UNC13C: variants seen among roughly 807,000 people sequenced by gnomAD.
UNC13C encodes the protein unc-13 homolog C.
UNC13C carries 174 observed loss-of-function variants against 245.4 expected under a neutral mutation model. The observed-to-expected ratio is 0.71, with a 90% CI of 0.63 to 0.80. UNC13C has a LOEUF of 0.80. Among genes scored for constraint, UNC13C ranks in the 30% least tolerant of loss-of-function variants. The probability of loss-of-function intolerance (pLI) is 0.00; values close to 1 mark genes in which losing one functional copy is unlikely to be tolerated. For missense variants in UNC13C, 2,829 were observed against 2,602.9 expected (o/e 1.09, Z -1.89); for synonymous variants, 992 against 895.1 (o/e 1.11, Z -1.93).
chr15:53,931,157 T>G, the UNC13C span, among the ~76,000 whole-genome samples: 1 of 151,948 alleles, frequency 6.6e-6, no homozygotes, highest in Non-Finnish European at 1.5e-5. Context: ...ATTTATTTAT[T>G]TTTATTTATT....
chr15:54,308,426 T>C (rs905119479), intron 13 of UNC13C, among the ~76,000 whole-genome samples: 8 of 151,910 alleles, frequency 5.3e-5, no homozygotes, highest in African/African-American at 1.9e-4. Context: ...CAACATGATG[T>C]TTTGAAGTAT....
At chr15:54,527,879 A>T (rs1040336415) in intron 25 of UNC13C, among the ~76,000 whole-genome samples, 1 of 152,170 alleles carries the variant, frequency 6.6e-6, no homozygotes, top group Non-Finnish European at 1.5e-5. Context: ...CTGTGGCTTT[A>T]TTCCTCACAC....
chr15:54,067,586 G>A (rs894331450), intron 2 of UNC13C, among the ~76,000 whole-genome samples: 6 of 152,168 alleles, frequency 3.9e-5, no homozygotes, highest in Admixed American at 2.6e-4. Flanking sequence ...CAAAATAGAA[G>A]CATAACTGCA....
At chr15:53,902,552 G>A in the UNC13C span, among the ~76,000 whole-genome samples, 1 of 152,166 alleles carries the variant, frequency 6.6e-6, no homozygotes. Flanking sequence ...CTGTAATGAC[G>A]GATGGGAACT....
chr15:54,271,552 A>G (rs922905467), intron 10 of UNC13C, among the ~76,000 whole-genome samples: 1 of 152,024 alleles, frequency 6.6e-6, no homozygotes, highest in Non-Finnish European at 1.5e-5. Context: ...AGGAGATGAC[A>G]TTTTCTTCAT....
chr15:54,491,328 A>C lies in UNC13C; in HGVS notation c.4934-3280A>C, dbSNP rs139779276. ...TATAAATCTAACTAATAAACTGTTAAATAAAACATATCCTAACTTCCTACC... is the reference window on the plus strand; with the variant it reads ...TATAAATCTAACTAATAAACTGTTACATAAAACATATCCTAACTTCCTACC... On this transcript the variant is annotated intron_variant, in intron 19 of 32. Transcript: ENST00000260323. Among the ~76,000 whole-genome samples the C allele has an allele frequency of 2.9e-3, 448 of 152,254 alleles. 4 individuals are homozygous for C. The highest frequency in any genetic ancestry group is 0.01 in the African/African-American group (427 of 41,574).
chr15:54,566,942 C>T (rs141448136), intron 29 of UNC13C, among the ~76,000 whole-genome samples: 48 of 151,966 alleles, frequency 3.2e-4, no homozygotes, highest in African/African-American at 1.1e-3. Flanking sequence ...ATTGTTGGTA[C>T]GGGAAGAGAG....
Position 54,088,307 on chromosome 15 carries a change from C to T in UNC13C, c.2984-54711C>T, listed in dbSNP as rs544308954. 9.9e-5 allele frequency among the ~76,000 whole-genome samples: 15 copies of T among 151,288 alleles called. No individual in the cohort carries two copies. The East Asian group carries it at 1.8e-3, about 18-fold the overall frequency. ...ATTCAGGCCCCATGGATCACTCCCC[C>T]GACATCCTTGTGTATCCTCTTCCAG... On this transcript the variant is annotated intron_variant, in intron 2 of 32. Transcript: ENST00000260323.
At chr15:54,209,637 C>T (rs1002375849) in intron 4 of UNC13C, among the ~76,000 whole-genome samples, 1 of 152,128 alleles carries the variant, frequency 6.6e-6, no homozygotes, top group African/African-American at 2.4e-5. Context: ...TGGTCTTGAA[C>T]TCCTGGGCTC....
At chr15:54,130,679 A>G (rs953697547) in intron 2 of UNC13C, among the ~76,000 whole-genome samples, 1 of 152,192 alleles carries the variant, frequency 6.6e-6, no homozygotes, top group Non-Finnish European at 1.5e-5. Context: ...TGTATTTGGT[A>G]TAGGCTTAAG....
intron 18 of UNC13C, among the ~76,000 whole-genome samples, chr15:54,398,732 G>A (rs1364103438): frequency 6.6e-6 from 1 of 151,218 alleles, no homozygotes; most frequent in Non-Finnish European, 1.5e-5. Flanking sequence ...TCTAAGTGGT[G>A]AAATTTTCCA....
At chr15:53,996,136 C>T (rs1037721184) in intron 1 of UNC13C, among the ~76,000 whole-genome samples, 4 of 152,130 alleles carry the variant, frequency 2.6e-5, no homozygotes, top group Non-Finnish European at 5.9e-5. Context: ...ATTAAGAGAA[C>T]AGGAAGAGAT....
At chr15:53,899,336 A>G in the UNC13C span, among the ~76,000 whole-genome samples, 1 of 152,220 alleles carries the variant, frequency 6.6e-6, no homozygotes, top group African/African-American at 2.4e-5. Flanking sequence ...ATAAATCTAA[A>G]TTGTTATAAA....
intron 2 of UNC13C, among the ~76,000 whole-genome samples, chr15:54,054,829 C>G (rs79582330): frequency 0.028 from 4,163 of 150,846 alleles, 72 homozygotes; most frequent in Middle Eastern, 0.051. Flanking sequence ...TGTTTGTTTT[C>G]TCTTGCTGAC....
chr15:54,044,450 A>G (rs1164155795), intron 2 of UNC13C: 2 of 330,250 alleles, frequency 6.1e-6, no homozygotes, highest in Non-Finnish European at 1.2e-5. Flanking sequence ...ATCTAGAGGT[A>G]GGATTACTTG....
intron 8 of UNC13C, among the ~76,000 whole-genome samples, chr15:54,261,881 A>G (rs2036436780): frequency 6.6e-6 from 1 of 152,166 alleles, no homozygotes; most frequent in African/African-American, 2.4e-5. Flanking sequence ...TTTTTTTTCT[A>G]GAAATAACAG....
intron 19 of UNC13C, among the ~76,000 whole-genome samples, chr15:54,453,102 C>G (rs1011052578): frequency 6.6e-6 from 1 of 152,126 alleles, no homozygotes; most frequent in Admixed American, 6.5e-5. Flanking sequence ...TGAGCTCATT[C>G]TCTCTCTCTA....
chr15:54,493,954 G>A (rs1893836378), intron 19 of UNC13C, among the ~76,000 whole-genome samples: 1 of 151,974 alleles, frequency 6.6e-6, no homozygotes, highest in African/African-American at 2.4e-5. Context: ...AAAGCCAAGG[G>A]GTGCAAGATA....
intron 2 of UNC13C, among the ~76,000 whole-genome samples, chr15:54,024,349 C>T (rs556522587): frequency 6.6e-6 from 1 of 152,236 alleles, no homozygotes; most frequent in South Asian, 2.1e-4. Context: ...AAGAGAATTA[C>T]CTAGTTACCT....
Sources: gnomAD v4.1 joint callset for allele counts (sites outside exome capture counted in the v4.1 genomes callset) on GRCh38, gnomAD v4.1.1 for gene constraint, MANE v1.5 for transcripts, NCBI Gene and HGNC (gene_info 2026-07-23, HGNC 2026-07-21) for gene names.